Variants in MRAP observed in about 807,000 individuals in gnomAD.
MRAP encodes the protein melanocortin-2 receptor accessory protein.
A neutral mutation model predicts 8.7 loss-of-function variants in MRAP; 8 were observed. The observed-to-expected ratio is 0.92, with a 90% CI of 0.54 to 1.66. MRAP has a LOEUF of 1.66. Among genes scored for constraint, MRAP ranks in the 40% most tolerant of loss-of-function variants. The probability of loss-of-function intolerance (pLI) is 0.00; values close to 1 mark genes in which losing one functional copy is unlikely to be tolerated. For synonymous variants in MRAP, 95 were observed against 95.5 expected (o/e 1.00, Z 0.03); for missense variants, 237 against 217.1 (o/e 1.09, Z -0.58).
At chr21:32,310,065 G>A (rs537708395) in intron 2 of MRAP, among the ~76,000 whole-genome samples, 3 of 152,260 alleles carry the variant, frequency 2.0e-5, no homozygotes, top group Non-Finnish European at 4.4e-5. Flanking sequence ...ACCTGCAGCC[G>A]CCCTATGCCA....
Position 32,312,247 on chromosome 21 carries a change from AG to A in MRAP, c.*254del. 1.4e-6 allele frequency: 2 copies of A among 1,418,368 alleles called. No homozygotes were observed. Among genetic ancestry groups the A allele is most frequent in the Non-Finnish European group, 1.8e-6 (2 of 1,089,158 alleles). The allele number at this position is 1,418,368 out of a possible 1,614,324, so 87.9% of individuals were successfully genotyped here. On this transcript the variant is annotated 3_prime_UTR_variant, in exon 3 of 3. Transcript: ENST00000303645. ...GCTTGCTTACTGCTTATATTTGCTC[AG>A]GGAAGAGTAGGAAAATAAAATATAT...
intron 2 of MRAP, among the ~76,000 whole-genome samples, chr21:32,293,584 A>T (rs1461273505): frequency 1.3e-5 from 2 of 152,152 alleles, no homozygotes; most frequent in African/African-American, 4.8e-5. Context: ...CGTCCAGGTC[A>T]TCGTTCAATA....
At chr21:32,303,068 C>T (rs1291752011) in intron 1 of MRAP, among the ~76,000 whole-genome samples, 1 of 149,370 alleles carries the variant, frequency 6.7e-6, no homozygotes, top group Non-Finnish European at 1.5e-5. Flanking sequence ...CAACCTCTGC[C>T]TCCCAAGTTC....
At chr21:32,293,081 T>C (rs979259442) in exon 2 of MRAP, 1 of 152,108 alleles carries the variant, frequency 6.6e-6, no homozygotes, top group African/African-American at 2.4e-5. Flanking sequence ...ACTGTCCTTA[T>C]AAGAAGAGGA....
At chr21:32,301,272 G>A (rs907357007) in intron 1 of MRAP, among the ~76,000 whole-genome samples, 9 of 152,246 alleles carry the variant, frequency 5.9e-5, no homozygotes, top group Admixed American at 3.3e-4. Flanking sequence ...CAATTAGGAT[G>A]GATTGTAAAA....
In MRAP at chr21:32,311,972, C is replaced by T; in HGVS notation, c.495C>T (p.Asp165=). The T allele has an allele frequency of 1.2e-6, 2 of 1,613,404 alleles. No individual in the cohort carries two copies. The highest frequency in any genetic ancestry group is 1.7e-6 in the Non-Finnish European group (2 of 1,180,042). The part of the protein sequence containing the change: ...RSKPSEPPPG[D]RTSQLQS ...AGCCCAGCGAGCCTCCCCCTGGAGA[C>T]AGGACCTCTCAATTGCAGAGCTGAT... Residue 165 remains aspartate (D), a synonymous_variant, in exon 3 of 3, where the codon GAC becomes GAT. Transcript: ENST00000303645.
At position 32,298,866 on chromosome 21, in the gene MRAP, T is replaced by C. The variant is rs2032191643; in HGVS notation, c.-106T>C. On this transcript the variant is annotated 5_prime_UTR_variant, in exon 1 of 3. Transcript: ENST00000303645. ...GAGCCTAGAGACCCACAGACACACT[T>C]GGACGATTCCTGCAGAAATCAGTGA... is the stretch of plus-strand genomic sequence containing the variant. The C allele has an allele frequency of 1.2e-6, 1 of 800,282 alleles. No individual in the cohort carries two copies. The highest frequency in any genetic ancestry group is 2.2e-6 in the Non-Finnish European group (1 of 462,474). 49.6% of individuals were successfully genotyped at this position (800,282 alleles called of 1,614,324 possible). A position where few individuals can be genotyped will look rare whatever the true frequency, so the allele number is the denominator to read the frequency against.
At chr21:32,298,660 C>G (rs1206340067), upstream of MRAP, among the ~76,000 whole-genome samples, 1 of 152,232 alleles carries the variant, frequency 6.6e-6, no homozygotes, top group African/African-American at 2.4e-5. Flanking sequence ...GCTCCCTGTC[C>G]TCACACAGAG....
chr21:32,295,216 G>A (rs1300653995), upstream of MRAP, among the ~76,000 whole-genome samples: 1 of 152,156 alleles, frequency 6.6e-6, no homozygotes, highest in African/African-American at 2.4e-5. Flanking sequence ...GAAAGCTTTA[G>A]AGCAGGAACG....
rs2032197874 is a variant in MRAP at position 32,299,041 on chromosome 21, A to C, written c.70A>C (p.Ile24Leu). ...YEYYLDYLDL[I>L]PVDEKKLKAH... The stretch of plus-strand genomic sequence containing the variant: ...ATACTACCTGGACTATCTGGACCTC[A>C]TTCCCGTGGACGAGAAGAAGCTGAA... Residue 24 changes from isoleucine (I) to leucine (L), a missense_variant, in exon 1 of 3, where the codon ATT becomes CTT. Ile to Leu is a conservative substitution (Grantham distance 5, BLOSUM62 2). Transcript: ENST00000303645. 6.2e-7 allele frequency: 1 copy of C among 1,614,028 alleles called. No homozygotes were observed. The highest frequency in any genetic ancestry group is 8.5e-7 in the Non-Finnish European group (1 of 1,179,988).
At chr21:32,300,614 C>G (rs546092793) in intron 1 of MRAP, among the ~76,000 whole-genome samples, 1 of 146,334 alleles carries the variant, frequency 6.8e-6, no homozygotes, top group South Asian at 2.2e-4. Context: ...GGATATGTCA[C>G]GCGTCGTATG....
chr21:32,292,218 G>A (rs2032062074), intron 1 of MRAP, among the ~76,000 whole-genome samples: 1 of 152,062 alleles, frequency 6.6e-6, no homozygotes. Context: ...TTTTGAATTT[G>A]CTTCACAGTA....
At chr21:32,311,528 T>C (rs2032571156) in intron 2 of MRAP, 156 bp from the exon 3 acceptor site, 1 of 1,081,038 alleles carries the variant, frequency 9.3e-7, no homozygotes, top group East Asian at 2.5e-5. Context: ...ATGGCCACCT[T>C]TGTGAGCTGG....
intron 2 of MRAP, among the ~76,000 whole-genome samples, chr21:32,309,073 GAAGAA>G (rs2032488545): frequency 6.6e-6 from 1 of 152,192 alleles, no homozygotes; most frequent in Non-Finnish European, 1.5e-5. Context: ...AGTAATTTAT[GAAGAA>G]AAGAGGCTTA....
At chr21:32,297,819 G>A (rs1383435930), upstream of MRAP, among the ~76,000 whole-genome samples, 1 of 152,184 alleles carries the variant, frequency 6.6e-6, no homozygotes, top group East Asian at 1.9e-4. Context: ...AAACACAAGA[G>A]CCTCATTCCT....
At chr21:32,298,026 T>C (rs1053492980), upstream of MRAP, among the ~76,000 whole-genome samples, 1 of 152,222 alleles carries the variant, frequency 6.6e-6, no homozygotes, top group African/African-American at 2.4e-5. Flanking sequence ...GGAAAGGCCA[T>C]GTAAGCCGTG....
intron 2 of MRAP, among the ~76,000 whole-genome samples, chr21:32,308,970 C>A (rs182509629): frequency 6.6e-6 from 1 of 152,190 alleles, no homozygotes; most frequent in Non-Finnish European, 1.5e-5. Context: ...TGAGCCAGTG[C>A]GTCCCATGCC....
intron 2 of MRAP, among the ~76,000 whole-genome samples, chr21:32,309,449 ATTTT>A (rs375525509): frequency 5.6e-5 from 8 of 143,838 alleles, no homozygotes; most frequent in Non-Finnish European, 7.7e-5. Flanking sequence ...GAAGAAATTC[ATTTT>A]TTTTTTTTTG....
At chr21:32,300,685 C>T (rs905694988) in intron 1 of MRAP, among the ~76,000 whole-genome samples, 1 of 150,064 alleles carries the variant, frequency 6.7e-6, no homozygotes, top group African/African-American at 2.5e-5. Flanking sequence ...ATGTGTCACG[C>T]GTCCTATGTC....
Sources: gnomAD v4.1 joint callset for allele counts (sites outside exome capture counted in the v4.1 genomes callset) on GRCh38, gnomAD v4.1.1 for gene constraint, MANE v1.5 for transcripts, NCBI Gene and HGNC (gene_info 2026-07-23, HGNC 2026-07-21) for gene names.